TRAPPC10: variants seen among roughly 807,000 people sequenced by gnomAD.
The protein encoded by TRAPPC10 is TRAPP 130 kDa subunit.
TRAPPC10 carries 23 observed loss-of-function variants against 125.5 expected under a neutral mutation model. That is an observed-to-expected ratio of 0.18 (90% CI 0.13 to 0.26). The LOEUF is 0.26. Among genes scored for constraint, TRAPPC10 ranks in the 10% least tolerant of loss-of-function variants. TRAPPC10 has a pLI of 1.00. For missense variants in TRAPPC10, 1,123 were observed against 1,308.4 expected, an observed-to-expected ratio of 0.86 and a Z score of 2.19; for synonymous variants, 509 against 518.0, an observed-to-expected ratio of 0.98 and a Z score of 0.24.
rs1184722048 is a variant in TRAPPC10, at chr21:44,019,596, TTATCTTTGAAATA to T, written c.67+7042_67+7054del. ...CTTCTTTTTTCTCTCACAACTGACA[TTATCTTTGAAATA>T]TATCTAGAATCCAGCTATATATAGG... On this transcript the variant is annotated intron_variant, in intron 1 of 22. Transcript: ENST00000291574. Among the ~76,000 whole-genome samples the T allele has an allele frequency of 7.2e-5, 11 of 152,368 alleles. No individual in the cohort carries two copies. In the East Asian group the frequency reaches 2.1e-3, roughly 29 times the overall value.
intron 1 of TRAPPC10, among the ~76,000 whole-genome samples, chr21:44,020,535 C>T (rs2032398135): frequency 6.6e-6 from 1 of 151,940 alleles, no homozygotes; most frequent in Non-Finnish European, 1.5e-5. Flanking sequence ...ACTTGGGAGA[C>T]AGGCCAGAGG....
At chr21:44,060,858 C>T (rs1460321005) in intron 6 of TRAPPC10, among the ~76,000 whole-genome samples, 1 of 151,716 alleles carries the variant, frequency 6.6e-6, no homozygotes, top group Non-Finnish European at 1.5e-5. Flanking sequence ...GCCTCGGCTT[C>T]CCAAAGTGCT....
At chr21:44,041,561 G>A (rs997499862) in intron 3 of TRAPPC10, among the ~76,000 whole-genome samples, 2 of 151,552 alleles carry the variant, frequency 1.3e-5, no homozygotes, top group Non-Finnish European at 2.9e-5. Flanking sequence ...GTTTGGAGAC[G>A]GGGTTTCTCC....
At position 44,052,457 on chromosome 21, in the gene TRAPPC10, T is replaced by C; in HGVS notation, c.463T>C (p.Cys155Arg). The C allele has an allele frequency of 6.2e-7, 1 of 1,605,772 alleles. No homozygotes were observed. Among genetic ancestry groups the C allele is most frequent in the Non-Finnish European group, 8.5e-7 (1 of 1,177,616 alleles). Residue 155 changes from cysteine to arginine, a missense_variant, in exon 4 of 23, where the codon TGT (cysteine) becomes CGT (arginine). Cys to Arg is a radical substitution (Grantham distance 180, BLOSUM62 -3). Around this residue, in one of 4 missense-constraint regions of TRAPPC10, gnomAD observed 177 missense variants for 228.9 expected, o/e 0.77. Coordinates refer to ENST00000291574, the MANE Select transcript of TRAPPC10 (RefSeq NM_003274.5). ...TGTGGACAAAATAAGAAATGATTTT[T>C]GTAATAAACAGAGTGACAGGTAAGT... ...SIVDKIRNDF[C>R]NKQSDRCVVL...
intron 8 of TRAPPC10, among the ~76,000 whole-genome samples, 182 bp from the exon 9 acceptor site, chr21:44,074,857 C>A (rs958598826): frequency 2.0e-5 from 3 of 152,230 alleles, no homozygotes; most frequent in African/African-American, 7.2e-5. Flanking sequence ...GGATTCCCAC[C>A]CTCCAAGCCT....
At chr21:44,042,418 C>T (rs749504528) in intron 3 of TRAPPC10, among the ~76,000 whole-genome samples, 10 of 151,056 alleles carry the variant, frequency 6.6e-5, no homozygotes, top group Non-Finnish European at 1.0e-4. Flanking sequence ...TTTTAGCTTA[C>T]AGAAAAAAAA....
Position 44,087,888 on chromosome 21 carries a change from A to G in TRAPPC10, c.2729A>G (p.Lys910Arg), listed in dbSNP as rs774739854. Residue 910 changes from lysine (K) to arginine (R), a missense_variant, in exon 17 of 23, where the codon AAA becomes AGA. Lys to Arg is a conservative substitution (Grantham distance 26). Around this residue, in one of 4 missense-constraint regions of TRAPPC10, gnomAD observed 840 missense variants for 902.0 expected, o/e 0.93. Coordinates refer to ENST00000291574, the MANE Select transcript of TRAPPC10 (RefSeq NM_003274.5). This position sits in a 1 kb window ranked among gnomAD's most constrained non-coding sequence, Gnocchi z 4.6. The stretch of plus-strand genomic sequence containing the variant: ...GAGCCCCACAGGAAGCATAAGGACA[A>G]ACAGAGAACTGGCCGCTGCATGGTT... Reference protein sequence around the residue: ...MAEPHRKHKDKQRTGRCMVTT... With the variant: ...MAEPHRKHKDRQRTGRCMVTT... The G allele has an allele frequency of 6.2e-7, 1 of 1,614,116 alleles. No homozygotes were observed. Among genetic ancestry groups the G allele is most frequent in the Non-Finnish European group, 8.5e-7 (1 of 1,180,008 alleles).
At chr21:44,046,979 C>T (rs902130708) in intron 3 of TRAPPC10, 17 of 822,176 alleles carry the variant, frequency 2.1e-5, no homozygotes, top group African/African-American at 8.6e-5. Context: ...GCCGGCTCTG[C>T]GAGCGGGAAA....
chr21:44,043,231 T>TG (rs2034539747), intron 3 of TRAPPC10, among the ~76,000 whole-genome samples: 1 of 104,982 alleles, frequency 9.5e-6, no homozygotes, highest in Admixed American at 9.4e-5. Context: ...TTTTTTTTTT[T>TG]GGGATGGAGT....
At chr21:44,019,990 T>TA (rs2032317998) in intron 1 of TRAPPC10, among the ~76,000 whole-genome samples, 1 of 152,186 alleles carries the variant, frequency 6.6e-6, no homozygotes, top group African/African-American at 2.4e-5. Context: ...CTCTCTCCCT[T>TA]ATGTGGCTTT....
At chr21:44,014,530 C>G (rs541871421) in intron 1 of TRAPPC10, among the ~76,000 whole-genome samples, 2 of 151,706 alleles carry the variant, frequency 1.3e-5, no homozygotes, top group Non-Finnish European at 2.9e-5. Context: ...CTCGGCCTCC[C>G]GAGTAGCTGG....
chr21:44,051,075 T>C (rs1415527972), intron 3 of TRAPPC10, among the ~76,000 whole-genome samples: 1 of 152,182 alleles, frequency 6.6e-6, no homozygotes, highest in East Asian at 1.9e-4. Flanking sequence ...GGCTAATCTT[T>C]CCATTTTTAG....
At chr21:44,044,852 A>G (rs1022723942) in intron 3 of TRAPPC10, among the ~76,000 whole-genome samples, 1 of 151,204 alleles carries the variant, frequency 6.6e-6, no homozygotes, top group Non-Finnish European at 1.5e-5. Flanking sequence ...TTTAGTAGAG[A>G]TGGGGTTTCT....
intron 7 of TRAPPC10, among the ~76,000 whole-genome samples, chr21:44,072,805 A>G (rs1168377360): frequency 2.0e-5 from 3 of 152,076 alleles, no homozygotes; most frequent in African/African-American, 4.8e-5. Flanking sequence ...TGCCCAGGGG[A>G]GGTGCCTGTT....
chr21:44,093,609 T>C (rs895698853), intron 19 of TRAPPC10, among the ~76,000 whole-genome samples: 2 of 151,902 alleles, frequency 1.3e-5, no homozygotes, highest in Non-Finnish European at 1.5e-5. Context: ...ATACAAAAAA[T>C]GAGCTGGGCA....
intron 15 of TRAPPC10, among the ~76,000 whole-genome samples, chr21:44,086,097 G>A (rs2038107633): frequency 1.3e-5 from 2 of 152,198 alleles, no homozygotes; most frequent in African/African-American, 2.4e-5. Flanking sequence ...AGCTGAACTC[G>A]ATTCCCGCAG....
rs1457112175 is a variant in TRAPPC10, at chr21:44,092,005, A to G, written c.2953A>G (p.Ser985Gly). Residue 985 changes from serine (S) to glycine (G), a missense_variant, in exon 19 of 23, where the codon AGT becomes GGT. This residue lies in a region of TRAPPC10 where 840 missense variants were observed against 902.0 expected (regional missense o/e 0.93). Coordinates refer to ENST00000291574, the MANE Select transcript of TRAPPC10 (RefSeq NM_003274.5). The part of the protein sequence containing the change: ...SDSYLVDTGD[S>G]TDLQLVPLNT... ...TAGTTATCTTGTAGATACCGGTGAT[A>G]GTACCGACCTGCAACTAGTACCACT... 1.2e-6 allele frequency: 2 copies of G among 1,614,180 alleles called. No homozygotes were observed. The highest frequency in any genetic ancestry group is 1.7e-6 in the Non-Finnish European group (2 of 1,180,018).
intron 11 of TRAPPC10, 140 bp downstream of exon 11, chr21:44,077,924 T>C (rs1188620821): frequency 3.9e-6 from 2 of 511,100 alleles, no homozygotes; most frequent in African/African-American, 4.0e-5. Context: ...CTCATAATTT[T>C]TTTTTCAGTT....
chr21:44,083,374 G>T, intron 14 of TRAPPC10, 72 bp downstream of exon 14: 4 of 1,523,946 alleles, frequency 2.6e-6, no homozygotes, highest in Non-Finnish European at 3.5e-6. Flanking sequence ...AGAACTGTCT[G>T]GAGTGTGCTG....
Sources: allele counts gnomAD v4.1 joint callset (sites outside exome capture counted in the v4.1 genomes callset), GRCh38; gene constraint gnomAD v4.1.1; regional missense constraint gnomAD v4.1.1; non-coding constraint Gnocchi (gnomAD v3.1); transcripts MANE v1.5; gene names NCBI Gene and HGNC (gene_info 2026-07-23, HGNC 2026-07-21).